SLIRP: variants seen among roughly 807,000 people sequenced by gnomAD.
The protein encoded by SLIRP is SRA stem-loop-interacting RNA-binding protein, mitochondrial.
In SLIRP, 12 loss-of-function variants were observed where a neutral mutation model predicts 13.4. The observed-to-expected ratio is 0.89, with a 90% CI of 0.57 to 1.45. The LOEUF is 1.45. Among genes scored for constraint, SLIRP ranks in the 40% most tolerant of loss-of-function variants. The probability of loss-of-function intolerance (pLI) is 0.00; values close to 1 mark genes in which losing one functional copy is unlikely to be tolerated. For missense variants in SLIRP, 154 were observed against 132.2 expected (o/e 1.17, Z -0.81); for synonymous variants, 55 against 47.1 (o/e 1.17, Z -0.69).
chr14:77,712,554 C>T (rs1185138543), intron 2 of SLIRP, among the ~76,000 whole-genome samples: 1 of 151,444 alleles, frequency 6.6e-6, no homozygotes, highest in Non-Finnish European at 1.5e-5. Context: ...ACGCCATTCT[C>T]CTGCCTCAGC....
chr14:77,710,597 C>G (rs1216817646), intron 1 of SLIRP: 9 of 1,498,008 alleles, frequency 6.0e-6, no homozygotes, highest in East Asian at 2.7e-5. Context: ...TGAAAACACT[C>G]GATATTTGCT....
chr14:77,716,665 T>C (rs1467364274), intron 3 of SLIRP, among the ~76,000 whole-genome samples: 27 of 114,152 alleles, frequency 2.4e-4, no homozygotes, highest in Non-Finnish European at 3.7e-4. Flanking sequence ...AAAAAAAAAA[T>C]GGGGGGTGGT....
chr14:77,712,958 G>C (rs1049234209), intron 2 of SLIRP, among the ~76,000 whole-genome samples: 3 of 150,124 alleles, frequency 2.0e-5, no homozygotes, highest in African/African-American at 7.3e-5. Context: ...ATAATCACAG[G>C]AGTGACATCC....
At chr14:77,712,769 C>CT (rs2080450848) in intron 2 of SLIRP, among the ~76,000 whole-genome samples, 1 of 152,080 alleles carries the variant, frequency 6.6e-6, no homozygotes, top group African/African-American at 2.4e-5. Context: ...AACTGTAGGA[C>CT]TGAGGTCTGT....
At chr14:77,716,360 T>C (rs1199087521) in intron 3 of SLIRP, 1 of 138,286 alleles carries the variant, frequency 7.2e-6, no homozygotes, top group Non-Finnish European at 1.5e-5. Context: ...AATGGTGCGG[T>C]GGTAGGCCAG....
intron 1 of SLIRP, among the ~76,000 whole-genome samples, chr14:77,709,895 A>G (rs1450532895): frequency 6.6e-6 from 1 of 152,152 alleles, no homozygotes; most frequent in African/African-American, 2.4e-5. Flanking sequence ...ACTTTTACTT[A>G]TTCATTTAGC....
At chr14:77,708,082 C>G, upstream of SLIRP, 1 of 1,611,126 alleles carries the variant, frequency 6.2e-7, no homozygotes, top group South Asian at 1.1e-5. Context: ...GGGCCGCGAC[C>G]TCGGCTCGAG....
intron 2 of SLIRP, among the ~76,000 whole-genome samples, chr14:77,713,345 T>G (rs72685290): frequency 0.014 from 2,192 of 152,276 alleles, 22 homozygotes; most frequent in Non-Finnish European, 0.022. Context: ...TCACACACAC[T>G]TCACTGAAAC....
At chr14:77,708,264 G>A (rs1242581082) in intron 1 of SLIRP, 56 bp downstream of exon 1, 2 of 1,566,884 alleles carry the variant, frequency 1.3e-6, no homozygotes, top group East Asian at 2.2e-5. Context: ...GATCCTCAAA[G>A]CTTCTGCTTT....
At chr14:77,711,310 G>C (rs176945) in intron 2 of SLIRP, among the ~76,000 whole-genome samples, 11,932 of 149,952 alleles carry the variant, frequency 0.08, 746 homozygotes, top group East Asian at 0.17. Context: ...AAAAATTGTT[G>C]AAAAAAAAGC....
At chr14:77,715,444 G>C (rs559112240) in intron 2 of SLIRP, among the ~76,000 whole-genome samples, 1 of 151,874 alleles carries the variant, frequency 6.6e-6, no homozygotes, top group African/African-American at 2.4e-5. Flanking sequence ...AGGAGTTTGA[G>C]ACCGGCCTGG....
chr14:77,708,575 C>A (rs1446356495), intron 1 of SLIRP, among the ~76,000 whole-genome samples: 2 of 152,150 alleles, frequency 1.3e-5, no homozygotes, highest in East Asian at 3.9e-4. Context: ...TTACTTAAAA[C>A]GTGAGGACCT....
At chr14:77,710,538 T>G (rs1478117541) in intron 1 of SLIRP, 1 of 1,375,580 alleles carries the variant, frequency 7.3e-7, no homozygotes, top group Admixed American at 2.1e-5. Flanking sequence ...TTTTTCTTCA[T>G]TGTGATCTGC....
At chr14:77,712,672 C>T (rs1397406042) in intron 2 of SLIRP, among the ~76,000 whole-genome samples, 2 of 152,176 alleles carry the variant, frequency 1.3e-5, no homozygotes, top group Non-Finnish European at 2.9e-5. Context: ...TCTCGAACTC[C>T]TGACCTCAAG....
At chr14:77,711,116 G>A (rs1220383669) in intron 2 of SLIRP, among the ~76,000 whole-genome samples, 1 of 151,444 alleles carries the variant, frequency 6.6e-6, no homozygotes, top group Non-Finnish European at 1.5e-5. Context: ...TGCTTGAGGG[G>A]ATAGATACCC....
At chr14:77,711,904 T>G (rs916869100) in intron 2 of SLIRP, 5 of 153,702 alleles carry the variant, frequency 3.3e-5, no homozygotes, top group Middle Eastern at 3.3e-3. Flanking sequence ...AGGCTGATCT[T>G]GAACTCCTGG....
At chr14:77,710,955 A>G in intron 2 of SLIRP, 59 bp downstream of exon 2, 4 of 1,380,390 alleles carry the variant, frequency 2.9e-6, no homozygotes, top group Non-Finnish European at 4.1e-6. Flanking sequence ...CAAAAAAAAT[A>G]GAATGAATAA....
intron 2 of SLIRP, among the ~76,000 whole-genome samples, chr14:77,712,710 T>C (rs1346051885): frequency 6.6e-6 from 1 of 152,196 alleles, no homozygotes; most frequent in African/African-American, 2.4e-5. Flanking sequence ...CTTCCCAAAA[T>C]GCTGGGATTA....
Position 77,717,564 on chromosome 14 carries a change from C to T in SLIRP, c.*3C>T. ...ATGATGAAAAGAAAGATTTTTGAGA[C>T]TGCAGCCTATTAATAAAGTTAACAT... On this transcript the variant is annotated 3_prime_UTR_variant, in exon 4 of 4. Coordinates refer to ENST00000557342, the MANE Select transcript of SLIRP (RefSeq NM_031210.6). The T allele has an allele frequency of 6.2e-7, 1 of 1,611,814 alleles. No individual in the cohort carries two copies. The highest frequency in any genetic ancestry group is 8.5e-7 in the Non-Finnish European group (1 of 1,178,532).
Sources: allele counts gnomAD v4.1 joint callset (sites outside exome capture counted in the v4.1 genomes callset), GRCh38; gene constraint gnomAD v4.1.1; transcripts MANE v1.5; gene names NCBI Gene and HGNC (gene_info 2026-07-23, HGNC 2026-07-21).